ASAP1: variants seen among roughly 807,000 people sequenced by gnomAD.
ASAP1 encodes ArfGAP with SH3 domain, ankyrin repeat and PH domain 1.
A neutral mutation model predicts 145.2 loss-of-function variants in ASAP1; 43 were observed. The ratio of observed to expected loss-of-function variants is 0.30; its 90% CI spans 0.23 to 0.38. The LOEUF (loss-of-function observed/expected upper bound fraction) is 0.38. Among genes scored for constraint, ASAP1 ranks in the 10% least tolerant of loss-of-function variants. The pLI is 1.00. For missense variants in ASAP1, 1,018 were observed against 1,355.3 expected (o/e 0.75, Z 3.91); for synonymous variants, 546 against 515.5 (o/e 1.06, Z -0.80).
At chr8:130,294,408 A>G (rs868566757) in intron 3 of ASAP1, among the ~76,000 whole-genome samples, 99 of 152,326 alleles carry the variant, frequency 6.5e-4, no homozygotes, top group African/African-American at 2.3e-3. Context: ...CATTCAACAT[A>G]TACAGGTGAG....
At chr8:130,262,407 AAAAAAAAAAAGAGAGAGAGAGAG>A (rs1819960954) in intron 3 of ASAP1, among the ~76,000 whole-genome samples, 1 of 115,584 alleles carries the variant, frequency 8.7e-6, no homozygotes, top group African/African-American at 3.5e-5. Context: ...AAAAAAAAAA[AAAAAAAAAAAGAGAGAGAGAGAG>A]AGAGAGAGAG....
At chr8:130,306,395 C>T (rs2137484328) in intron 3 of ASAP1, among the ~76,000 whole-genome samples, 1 of 152,284 alleles carries the variant, frequency 6.6e-6, no homozygotes, top group African/African-American at 2.4e-5. Context: ...TTTTAAATGT[C>T]CCTCTCCCCA....
chr8:130,179,811 C>T (rs573158865), intron 8 of ASAP1, among the ~76,000 whole-genome samples: 1 of 151,790 alleles, frequency 6.6e-6, no homozygotes, highest in Non-Finnish European at 1.5e-5. Flanking sequence ...TAAGAATAAC[C>T]CACTAATTTA....
Position 130,056,411 on chromosome 8 carries a change from T to C in ASAP1, c.3315+1543A>G, listed in dbSNP as rs563273617. 4.6e-5 allele frequency among the ~76,000 whole-genome samples: 7 copies of C among 152,342 alleles called. No homozygotes were observed. In the East Asian group the frequency reaches 1.4e-3, roughly 29 times the overall value. ...TTTCTCAACCATGGTGCTACTGGCA[T>C]CCTTGCTTGTGGGGGCTCCCTGAGT... On this transcript the variant is annotated intron_variant, in intron 29 of 29. Coordinates refer to ENST00000518721, the MANE Select transcript of ASAP1 (RefSeq NM_018482.4).
At chr8:130,322,672 T>C (rs1824080563) in intron 3 of ASAP1, among the ~76,000 whole-genome samples, 2 of 152,192 alleles carry the variant, frequency 1.3e-5, no homozygotes, top group Non-Finnish European at 2.9e-5. Flanking sequence ...CAAATATTCA[T>C]TTAGTGCTTA....
In ASAP1 at chr8:130,101,261, G is replaced by A. The variant is rs76650366; in HGVS notation, c.2402-9118C>T. Among the ~76,000 whole-genome samples the A allele has an allele frequency of 2.1e-3, 323 of 152,240 alleles. 4 individuals carry two copies. In the East Asian group the frequency reaches 0.028, roughly 13 times the overall value. The stretch of plus-strand genomic sequence containing the variant: ...TGGCTTAGTATTACTTTGGCTATTT[G>A]AAGTCTTTTGTGTTTCCATATGAAT... On this transcript the variant is annotated intron_variant, in intron 24 of 29. Transcript: ENST00000518721.
intron 3 of ASAP1, among the ~76,000 whole-genome samples, chr8:130,288,864 G>A (rs1160971699): frequency 6.6e-6 from 1 of 152,218 alleles, no homozygotes; most frequent in Non-Finnish European, 1.5e-5. Context: ...TAAATTCACA[G>A]AATGAAACTG....
chr8:130,411,796 A>G (rs373598811), intron 1 of ASAP1, among the ~76,000 whole-genome samples: 88 of 152,322 alleles, frequency 5.8e-4, no homozygotes, highest in African/African-American at 2.0e-3. Flanking sequence ...GGCCAGCACC[A>G]TAGGCATGTT....
chr8:130,129,161 A>C (rs1280737283), intron 15 of ASAP1, among the ~76,000 whole-genome samples: 1 of 152,202 alleles, frequency 6.6e-6, no homozygotes, highest in Non-Finnish European at 1.5e-5. Flanking sequence ...CTGCCCTTCC[A>C]CCATAATTGT....
intron 2 of ASAP1, among the ~76,000 whole-genome samples, chr8:130,374,163 T>C (rs746881262): frequency 6.6e-6 from 1 of 151,974 alleles, no homozygotes; most frequent in Non-Finnish European, 1.5e-5. Context: ...AGAATCAACT[T>C]AGACATACTT....
In ASAP1 at chr8:130,358,061, T is replaced by A; in HGVS notation, c.142A>T (p.Thr48Ser). ...YNSPTTSSFT[T>S]RLHNCRNTVT... is the part of the protein sequence containing the mutation. Reference sequence around the variant, plus strand: ...GTGTTCCTGCAGTTGTGCAGCCGCGTGGTGAAGCTGGACGTGGTGGGCGAG... The same window carrying A: ...GTGTTCCTGCAGTTGTGCAGCCGCGAGGTGAAGCTGGACGTGGTGGGCGAG... The change falls in exon 3 of 30, where the codon ACG (threonine) becomes TCG (serine). Residue 48 changes from threonine (T) to serine (S), a missense_variant. By Grantham distance (58) the Thr-to-Ser change is moderately conservative. Around this residue, in one of 9 missense-constraint regions of ASAP1, gnomAD observed 106 missense variants for 134.5 expected, o/e 0.79. Transcript: ENST00000518721. This position sits in a 1 kb window ranked among gnomAD's most constrained non-coding sequence, Gnocchi z 4.1. 6.2e-7 allele frequency: 1 copy of A among 1,609,670 alleles called. No individual in the cohort carries two copies.
chr8:130,411,007 CCCA>C (rs1281963239), intron 1 of ASAP1, among the ~76,000 whole-genome samples: 2 of 152,148 alleles, frequency 1.3e-5, no homozygotes, highest in Non-Finnish European at 2.9e-5. Context: ...ATTACAGGCA[CCCA>C]CCACCATGTC....
At chr8:130,262,416 A>AAAAAAAAAAAG (rs1819974520) in intron 3 of ASAP1, among the ~76,000 whole-genome samples, 5 of 57,848 alleles carry the variant, frequency 8.6e-5, no homozygotes, top group Admixed American at 2.7e-4. Flanking sequence ...AAAAAAAAAA[A>AAAAAAAAAAAG]AGAGAGAGAG....
chr8:130,195,328 T>C (rs28491737), intron 5 of ASAP1: 1 of 142,380 alleles, frequency 7.0e-6, no homozygotes, highest in Non-Finnish European at 1.5e-5. Flanking sequence ...CTTGAGCCCA[T>C]GAGTTCAAGA....
At chr8:130,363,213 C>A (rs1826797462) in intron 2 of ASAP1, among the ~76,000 whole-genome samples, 1 of 152,140 alleles carries the variant, frequency 6.6e-6, no homozygotes, top group Non-Finnish European at 1.5e-5. Context: ...ACTTTGAAAA[C>A]CTTATCTGGA....
At chr8:130,392,742 C>T (rs549091651) in intron 2 of ASAP1, among the ~76,000 whole-genome samples, 204 of 151,304 alleles carry the variant, frequency 1.3e-3, no homozygotes, top group Non-Finnish European at 2.3e-3. Flanking sequence ...TGCTTCAACT[C>T]GTGGCAGAAG....
intron 2 of ASAP1, among the ~76,000 whole-genome samples, chr8:130,390,557 T>C (rs1828230931): frequency 6.6e-6 from 1 of 152,236 alleles, no homozygotes; most frequent in African/African-American, 2.4e-5. Flanking sequence ...TCCCCTGACA[T>C]ACTCTGAGTG....
chr8:130,280,736 G>C (rs1420864049), intron 3 of ASAP1, among the ~76,000 whole-genome samples: 1 of 152,112 alleles, frequency 6.6e-6, no homozygotes, highest in Non-Finnish European at 1.5e-5. Flanking sequence ...TCAGTTATTG[G>C]GGCTGGGAAG....
chr8:130,273,962 C>G (rs1214000358), intron 3 of ASAP1, among the ~76,000 whole-genome samples: 2 of 152,188 alleles, frequency 1.3e-5, no homozygotes, highest in Non-Finnish European at 2.9e-5. Context: ...GGCGGAGGAG[C>G]TGGGGTCCAC....
Sources: gnomAD v4.1 joint callset for allele counts (sites outside exome capture counted in the v4.1 genomes callset) on GRCh38, gnomAD v4.1.1 for gene constraint, gnomAD v4.1.1 regional missense constraint, Gnocchi (gnomAD v3.1) non-coding constraint, MANE v1.5 for transcripts, NCBI Gene and HGNC (gene_info 2026-07-23, HGNC 2026-07-21) for gene names.